Variants in BOP1 observed in about 807,000 individuals in gnomAD.
BOP1 encodes ribosome biogenesis protein BOP1.
In BOP1, 54 loss-of-function variants were observed where a neutral mutation model predicts 82.9. The observed-to-expected ratio is 0.65, with a 90% confidence interval of 0.52 to 0.82. The LOEUF (loss-of-function observed/expected upper bound fraction) is 0.82. Ranked by LOEUF, BOP1 falls within the 40% of genes least tolerant of loss-of-function variation. BOP1 has a pLI of 0.00. For synonymous variants in BOP1, 566 were observed against 451.1 expected, an observed-to-expected ratio of 1.25 and a Z score of -3.23; for missense variants, 1,170 against 1,072.0, an observed-to-expected ratio of 1.09 and a Z score of -1.28.
chr8:144,263,503 C>CG lies in BOP1; in HGVS notation c.1398dup (p.Ala467ArgfsTer40), dbSNP rs1564594479. The CG allele has an allele frequency of 5.0e-6, 8 of 1,598,856 alleles. No individual in the cohort carries two copies. In the South Asian group the frequency reaches 8.8e-5, roughly 18 times the overall value. On this transcript the variant is annotated frameshift_variant, in exon 11 of 16. Transcript: ENST00000569669. LOFTEE classifies it high-confidence loss of function. ...ACGGCTGCAGCCACCAGGCAGACAG[C>CG]GGGGCTGGGGTTCCAGGCCACACTC...
intron 2 of BOP1, 107 bp downstream of exon 2, chr8:144,288,988 T>C (rs1814959355): frequency 3.2e-6 from 4 of 1,266,222 alleles, no homozygotes; most frequent in East Asian, 4.7e-5. Flanking sequence ...ACGCCGGCCT[T>C]GGGGTTCTGA....
intron 3 of BOP1, chr8:144,267,115 C>T (rs2130211262): frequency 2.0e-6 from 3 of 1,472,886 alleles, no homozygotes; most frequent in East Asian, 5.5e-5. Context: ...GCCTCCCGCC[C>T]GCGACGGCGA....
chr8:144,262,768 GC>G (rs1241892583), intron 13 of BOP1, 84 bp downstream of exon 13: 3 of 1,331,736 alleles, frequency 2.3e-6, no homozygotes, highest in African/African-American at 2.2e-5. Context: ...AGGGTGCACT[GC>G]CCCTACCCCC....
chr8:144,276,436 C>G, intron 2 of BOP1, 132 bp from the exon 3 acceptor site: 1 of 1,034,330 alleles, frequency 9.7e-7, no homozygotes, highest in Admixed American at 2.0e-5. Flanking sequence ...AGCACAAGGC[C>G]GAGAACACCC....
At chr8:144,287,688 T>C (rs1426867830) in intron 2 of BOP1, among the ~76,000 whole-genome samples, 1 of 152,076 alleles carries the variant, frequency 6.6e-6, no homozygotes, top group Non-Finnish European at 1.5e-5. Flanking sequence ...TTTTAAAAAC[T>C]CAAGAAGGGG....
At position 144,262,147 on chromosome 8, in the gene BOP1, C is replaced by T. The variant is rs1554836396; in HGVS notation, c.*17G>A. The T allele has an allele frequency of 4.3e-6, 7 of 1,611,918 alleles. No homozygotes were observed. Among genetic ancestry groups the T allele is most frequent in the Non-Finnish European group, 4.2e-6 (5 of 1,179,832 alleles). On this transcript the variant is annotated 3_prime_UTR_variant, in exon 16 of 16. Coordinates refer to ENST00000569669, the MANE Select transcript of BOP1 (RefSeq NM_015201.5). ...TGACTTCAGCACGACCACCCCAGCC[C>T]CAGGCAGGCAGAACAGCTAGGTGAA...
Position 144,263,125 on chromosome 8 carries a change from G to A in BOP1, c.1622C>T (p.Thr541Ile). The A allele has an allele frequency of 1.9e-6, 3 of 1,593,716 alleles. No individual in the cohort carries two copies. The highest frequency in any genetic ancestry group is 2.5e-6 in the Non-Finnish European group (3 of 1,178,796). The change falls in exon 13 of 16, where the codon ACC becomes ATC. Residue 541 changes from threonine to isoleucine, a missense_variant. Thr to Ile is a moderately conservative substitution (Grantham distance 89, BLOSUM62 -1). Transcript: ENST00000569669. The stretch of plus-strand genomic sequence containing the variant: ...CAGGTAGTCCCCACGCCCGTGCCAG[G>A]TCACCTGCGTCACTGGCTGCAGGAG... ...ICHGKPVTQV[T>I]WHGRGDYLAV...
intron 3 of BOP1, 75 bp downstream of exon 3, chr8:144,276,149 C>T (rs1845565087): frequency 5.1e-6 from 8 of 1,572,762 alleles, no homozygotes; most frequent in African/African-American, 1.3e-5. Context: ...CAACCCCAGC[C>T]CCAACCCCCA....
rs1280943098 is a variant in BOP1 at position 144,277,377 on chromosome 8, C to T, written c.310-1073G>A. Among the ~76,000 whole-genome samples, 15 of 152,230 alleles carry T rather than the reference C, an allele frequency of 9.9e-5. 1 individual carries two copies. The highest frequency in any genetic ancestry group is 7.2e-4 in the Admixed American group (11 of 15,284). ...CCTGGAGCACATGAGCCCCCACAGC[C>T]GCAGCAGATCCGTGACCCCGGCCCC... is the stretch of plus-strand genomic sequence containing the variant. On this transcript the variant is annotated intron_variant, in intron 2 of 15. Transcript: ENST00000569669.
In BOP1 at chr8:144,262,287, G is replaced by A. The variant is rs1425053578; in HGVS notation, c.2118C>T (p.Pro706=). 108 of 1,612,708 alleles carry A rather than the reference G, an allele frequency of 6.7e-5. No homozygotes were observed. The East Asian group carries it at 8.2e-4, about 12-fold the overall frequency. ...NDLLQNPLLV[P]VKVLKGHVLT... is the part of the protein sequence containing the mutation. ...GCACGTGTCCCTTCAGCACCTTGAC[G>A]GGCACCAGCAAGGGGTTCTGCAGAA... is the stretch of plus-strand genomic sequence containing the variant. Residue 706 remains proline (P), a synonymous_variant, in exon 16 of 16, where the codon CCC becomes CCT. Coordinates refer to ENST00000569669, the MANE Select transcript of BOP1 (RefSeq NM_015201.5).
chr8:144,289,057 T>C, intron 2 of BOP1, 38 bp downstream of exon 2: 5 of 1,610,606 alleles, frequency 3.1e-6, no homozygotes, highest in Non-Finnish European at 4.2e-6. Context: ...CACCTGCACA[T>C]GGGGGACAGC....
chr8:144,291,160 A>G lies in BOP1; in HGVS notation c.99+112T>C. The stretch of plus-strand genomic sequence containing the variant: ...CTGCACCCACGCCCAAGACCGATTC[A>G]CTGGGCGCGGGCGCCCAGGTGACAG... On this transcript the variant is annotated intron_variant, in intron 1 of 15. Coordinates refer to ENST00000569669, the MANE Select transcript of BOP1 (RefSeq NM_015201.5). The surrounding 1 kb of genome is among the most constrained non-coding windows in gnomAD (Gnocchi z 4.1). The G allele has an allele frequency of 1.1e-6, 1 of 895,972 alleles. No homozygotes were observed. Among genetic ancestry groups the G allele is most frequent in the Non-Finnish European group, 1.5e-6 (1 of 674,914 alleles). The allele number at this position is 895,972 out of a possible 1,614,324, so 55.5% of individuals were successfully genotyped here. A position where few individuals can be genotyped will look rare whatever the true frequency, so the allele number is the denominator to read the frequency against.
At chr8:144,272,676 G>A (rs1401372045) in intron 3 of BOP1, among the ~76,000 whole-genome samples, 5 of 152,164 alleles carry the variant, frequency 3.3e-5, no homozygotes, top group Admixed American at 6.5e-5. Flanking sequence ...AGGAGGACGC[G>A]GCTCTGAAGA....
chr8:144,279,745 C>T (rs782419318), intron 2 of BOP1, among the ~76,000 whole-genome samples: 2 of 152,216 alleles, frequency 1.3e-5, no homozygotes, highest in African/African-American at 2.4e-5. Context: ...CCCACACTGA[C>T]ACCACAGGAT....
chr8:144,264,036 T>TCCTGGATGAAGCGTC lies in BOP1; in HGVS notation c.1070_1084dup (p.Gly357_Gln361dup), dbSNP rs1845300411. On this transcript the variant is annotated inframe_insertion, in exon 8 of 16. Transcript: ENST00000569669. ...CAGGTCAAGGCAGCGCTCGAAGCGT[T>TCCTGGATGAAGCGTC]CCTGGATGAAGCGTCCGTAGGCAGG... 2 of 1,609,646 alleles carry TCCTGGATGAAGCGTC rather than the reference T, an allele frequency of 1.2e-6. No individual in the cohort carries two copies. The highest frequency in any genetic ancestry group is 2.7e-5 in the African/African-American group (2 of 74,926).
intron 3 of BOP1, among the ~76,000 whole-genome samples, chr8:144,268,814 G>A (rs1052984835): frequency 4.1e-4 from 61 of 149,634 alleles, no homozygotes; most frequent in Admixed American, 7.9e-4. Context: ...GGGAGGCAGC[G>A]GCAGGGACAG....
intron 5 of BOP1, 21 bp from the exon 6 acceptor site, chr8:144,264,637 G>C: frequency 1.3e-6 from 2 of 1,578,270 alleles, no homozygotes; most frequent in Admixed American, 1.8e-5. Context: ...AGATGTGGGC[G>C]TGTGGGCCAG....
intron 3 of BOP1, chr8:144,265,289 A>T: frequency 1.6e-6 from 1 of 610,350 alleles, no homozygotes; most frequent in East Asian, 2.8e-5. Flanking sequence ...GAGGCGCCGG[A>T]GCTGCACCTT....
chr8:144,282,131 CT>C (rs1845695379), intron 2 of BOP1, among the ~76,000 whole-genome samples: 1 of 152,240 alleles, frequency 6.6e-6, no homozygotes, highest in Admixed American at 6.5e-5. Context: ...GCGGCCCGCG[CT>C]GCCGTGTGCT....
Sources: gnomAD v4.1 joint callset for allele counts (sites outside exome capture counted in the v4.1 genomes callset) on GRCh38, gnomAD v4.1.1 for gene constraint, Gnocchi (gnomAD v3.1) non-coding constraint, MANE v1.5 for transcripts, NCBI Gene and HGNC (gene_info 2026-07-23, HGNC 2026-07-21) for gene names.